Variants in XKR9 observed in about 807,000 individuals in gnomAD.
XKR9 encodes XK-related protein 9.
A neutral mutation model predicts 32.0 loss-of-function variants in XKR9; 32 were observed. The observed-to-expected ratio is 1.00, with a 90% confidence interval of 0.76 to 1.34. XKR9 has a LOEUF of 1.34. Among genes scored for constraint, XKR9 ranks in the 40% most tolerant of loss-of-function variants. The probability of loss-of-function intolerance (pLI) is 0.00; values close to 1 mark genes in which losing one functional copy is unlikely to be tolerated. For synonymous variants in XKR9, 168 were observed against 143.4 expected, an observed-to-expected ratio of 1.17 and a Z score of -1.22; for missense variants, 546 against 429.7, an observed-to-expected ratio of 1.27 and a Z score of -2.39.
intron 2 of XKR9, among the ~76,000 whole-genome samples, chr8:70,747,010 CAT>C (rs1807067775): frequency 6.6e-6 from 1 of 152,172 alleles, no homozygotes; most frequent in Non-Finnish European, 1.5e-5. Context: ...TAAGTGAGAA[CAT>C]GTGGTTTTCT....
the XKR9 span, among the ~76,000 whole-genome samples, chr8:70,928,460 A>T: frequency 2.0e-5 from 3 of 152,102 alleles, no homozygotes; most frequent in Non-Finnish European, 2.9e-5. Flanking sequence ...GTTTTTTTTT[A>T]AAAGGCTTAT....
chr8:70,960,604 G>GC, the XKR9 span, among the ~76,000 whole-genome samples: 1 of 152,160 alleles, frequency 6.6e-6, no homozygotes, highest in Admixed American at 6.5e-5. Context: ...ATGGCCAAGT[G>GC]CAGTGGCTCA....
intron 3 of XKR9, among the ~76,000 whole-genome samples, chr8:70,701,142 G>A (rs1216002013): frequency 6.6e-6 from 1 of 152,208 alleles, no homozygotes; most frequent in Non-Finnish European, 1.5e-5. Flanking sequence ...CACTTCCCGA[G>A]TGAGGCAATG....
chr8:71,060,134 TA>T, the XKR9 span, among the ~76,000 whole-genome samples: 56 of 152,352 alleles, frequency 3.7e-4, no homozygotes, highest in African/African-American at 1.3e-3. Context: ...CATGACTAGT[TA>T]CATGTGGCCT....
chr8:70,962,688 AC>A, the XKR9 span, among the ~76,000 whole-genome samples: 1 of 152,216 alleles, frequency 6.6e-6, no homozygotes, highest in African/African-American at 2.4e-5. Context: ...AGTCTAAGGA[AC>A]AAACTTCCTG....
intron 4 of XKR9, among the ~76,000 whole-genome samples, chr8:70,708,023 TGTTATATCA>T (rs1389878928): frequency 6.6e-6 from 1 of 152,070 alleles, no homozygotes; most frequent in Non-Finnish European, 1.5e-5. Context: ...TAGACTCACA[TGTTATATCA>T]GTTAAACAGT....
At chr8:70,823,624 A>G in the XKR9 span, among the ~76,000 whole-genome samples, 1 of 152,234 alleles carries the variant, frequency 6.6e-6, no homozygotes, top group Non-Finnish European at 1.5e-5. Flanking sequence ...AGTGTGCAGG[A>G]GATTCGAACT....
the XKR9 span, among the ~76,000 whole-genome samples, chr8:70,973,853 A>AT: frequency 3.3e-5 from 5 of 152,128 alleles, no homozygotes; most frequent in African/African-American, 9.7e-5. Context: ...ATTTTTTAAA[A>AT]TTTTTTGAGG....
intron 2 of XKR9, among the ~76,000 whole-genome samples, chr8:70,751,339 A>G (rs1807137989): frequency 6.6e-6 from 1 of 152,144 alleles, no homozygotes; most frequent in African/African-American, 2.4e-5. Flanking sequence ...CATGTTGGCC[A>G]GGCTGTCTTG....
the XKR9 span, among the ~76,000 whole-genome samples, chr8:70,989,194 A>G: frequency 6.6e-6 from 1 of 152,226 alleles, no homozygotes; most frequent in Non-Finnish European, 1.5e-5. Flanking sequence ...TATGGAAACC[A>G]GCATTCTGTT....
At chr8:71,046,829 A>T in the XKR9 span, among the ~76,000 whole-genome samples, 1 of 152,208 alleles carries the variant, frequency 6.6e-6, no homozygotes, top group Non-Finnish European at 1.5e-5. Flanking sequence ...CTATGTAACT[A>T]CATTGTAAAT....
At chr8:70,687,216 T>C (rs1819312432) in intron 3 of XKR9, among the ~76,000 whole-genome samples, 1 of 152,198 alleles carries the variant, frequency 6.6e-6, no homozygotes, top group South Asian at 2.1e-4. Flanking sequence ...AATTTGTCTT[T>C]CTGTGCCTGG....
chr8:70,817,936 A>C, the XKR9 span, among the ~76,000 whole-genome samples: 158 of 152,306 alleles, frequency 1.0e-3, 1 homozygote, highest in Middle Eastern at 6.8e-3. Flanking sequence ...CTGGATCTCT[A>C]TCTTTCACCA....
intron 3 of XKR9, among the ~76,000 whole-genome samples, chr8:70,687,721 T>G (rs1334949702): frequency 6.6e-6 from 1 of 152,168 alleles, no homozygotes; most frequent in Non-Finnish European, 1.5e-5. Context: ...TACTAAAGGA[T>G]TAGACTGTTA....
At chr8:70,899,031 A>C in the XKR9 span, among the ~76,000 whole-genome samples, 10 of 152,300 alleles carry the variant, frequency 6.6e-5, no homozygotes, top group Non-Finnish European at 1.3e-4. Flanking sequence ...CTTCTGCCTT[A>C]GCTTCCCAAA....
intron 2 of XKR9, among the ~76,000 whole-genome samples, chr8:70,767,723 G>T (rs1301129061): frequency 6.6e-6 from 1 of 151,856 alleles, no homozygotes; most frequent in Non-Finnish European, 1.5e-5. Context: ...GGATGGTCTT[G>T]ATCTCCTGAC....
chr8:70,897,286 T>C, the XKR9 span, among the ~76,000 whole-genome samples: 3 of 152,218 alleles, frequency 2.0e-5, no homozygotes, highest in African/African-American at 7.2e-5. Context: ...ATTTATCTGT[T>C]GATGGACACT....
the XKR9 span, among the ~76,000 whole-genome samples, chr8:70,800,983 T>A: frequency 1.5e-5 from 2 of 137,836 alleles, no homozygotes; most frequent in South Asian, 4.7e-4. Context: ...GTCTCTAAGG[T>A]TTTTTTTTTT....
chr8:70,954,741 A>G, the XKR9 span, among the ~76,000 whole-genome samples: 1 of 152,182 alleles, frequency 6.6e-6, no homozygotes, highest in Non-Finnish European at 1.5e-5. Flanking sequence ...TGCCAAATCC[A>G]TGCTTTCAGG....
Sources: allele counts gnomAD v4.1 joint callset (sites outside exome capture counted in the v4.1 genomes callset), GRCh38; gene constraint gnomAD v4.1.1; transcripts MANE v1.5; gene names NCBI Gene and HGNC (gene_info 2026-07-23, HGNC 2026-07-21).